Variants in ACACB observed in about 807,000 individuals in gnomAD.
The protein encoded by ACACB is acetyl-CoA carboxylase beta.
In ACACB, 209 loss-of-function variants were observed where a neutral mutation model predicts 278.8. The ratio of observed to expected loss-of-function variants is 0.75; its 90% CI spans 0.67 to 0.84. ACACB has a LOEUF of 0.84. Ranked by LOEUF, ACACB falls within the 40% of genes least tolerant of loss-of-function variation. The probability of loss-of-function intolerance (pLI) is 0.00; values close to 1 mark genes in which losing one functional copy is unlikely to be tolerated. For synonymous variants in ACACB, 1,174 were observed against 1,285.6 expected, an observed-to-expected ratio of 0.91 and a Z score of 1.86; for missense variants, 2,850 against 3,269.0, an observed-to-expected ratio of 0.87 and a Z score of 3.13.
At chr12:109,130,042 T>C (rs1290242876) in intron 1 of ACACB, among the ~76,000 whole-genome samples, 1 of 152,138 alleles carries the variant, frequency 6.6e-6, no homozygotes, top group African/African-American at 2.4e-5. Context: ...TGCCCCCTTT[T>C]CTAGATGGGG....
chr12:109,136,259 A>C (rs2042964704), intron 1 of ACACB, among the ~76,000 whole-genome samples: 2 of 152,206 alleles, frequency 1.3e-5, no homozygotes, highest in South Asian at 4.1e-4. Flanking sequence ...CTTTGTAGTA[A>C]GTTTTTAAAT....
In ACACB at chr12:109,237,688, G is replaced by A. The variant is rs369081898; in HGVS notation, c.4662+308G>A. On this transcript the variant is annotated intron_variant, in intron 34 of 52. Transcript: ENST00000338432. The stretch of plus-strand genomic sequence containing the variant: ...ATTTCTTAATATTTGCTGACTGAGT[G>A]ATCGTTTTCCATTGTTTCTTGCATT... Among the ~76,000 whole-genome samples the A allele has an allele frequency of 3.3e-5, 5 of 152,228 alleles. No homozygotes were observed. The East Asian group carries it at 9.6e-4, about 29-fold the overall frequency.
chr12:109,252,755 A>G (rs1240905021), intron 42 of ACACB, among the ~76,000 whole-genome samples: 2 of 152,198 alleles, frequency 1.3e-5, no homozygotes, highest in Non-Finnish European at 2.9e-5. Flanking sequence ...GTCAAGGTAG[A>G]AGTCAGCTGC....
chr12:109,223,658 A>G (rs2046239303), intron 26 of ACACB, among the ~76,000 whole-genome samples, 157 bp from the exon 27 acceptor site: 1 of 152,162 alleles, frequency 6.6e-6, no homozygotes, highest in Non-Finnish European at 1.5e-5. Flanking sequence ...GCTGCTCAAG[A>G]GGTTGAGGTG....
intron 2 of ACACB, among the ~76,000 whole-genome samples, chr12:109,140,446 C>T (rs540305129): frequency 3.3e-5 from 5 of 152,214 alleles, no homozygotes; most frequent in South Asian, 2.1e-4. Context: ...CACTTGAGGT[C>T]GGGAGTTTAA....
intron 41 of ACACB, 89 bp from the exon 42 acceptor site, chr12:109,251,957 G>T: frequency 2.2e-6 from 2 of 917,050 alleles, no homozygotes; most frequent in Non-Finnish European, 3.2e-6. Flanking sequence ...ACTTCCATTT[G>T]GTCCCAGCAG....
intron 1 of ACACB, among the ~76,000 whole-genome samples, chr12:109,123,838 C>T (rs2042612681): frequency 6.6e-6 from 1 of 151,576 alleles, no homozygotes; most frequent in Non-Finnish European, 1.5e-5. Flanking sequence ...ACCACCACGC[C>T]TGGCTAATTT....
intron 1 of ACACB, among the ~76,000 whole-genome samples, chr12:109,117,077 G>A (rs1263647608): frequency 7.7e-5 from 9 of 117,286 alleles, no homozygotes; most frequent in Non-Finnish European, 1.3e-4. Context: ...TTTTAAAGCA[G>A]ACTAAGGCTG....
chr12:109,210,615 T>C (rs1176154709), intron 21 of ACACB, among the ~76,000 whole-genome samples: 4 of 150,024 alleles, frequency 2.7e-5, no homozygotes, highest in Non-Finnish European at 5.9e-5. Flanking sequence ...ATATAATATT[T>C]TTTAAGAATT....
chr12:109,111,718 G>A (rs574526151), upstream of ACACB, among the ~76,000 whole-genome samples: 4 of 152,120 alleles, frequency 2.6e-5, no homozygotes, highest in South Asian at 8.3e-4. Context: ...ACCACGCCCG[G>A]CTAATTTTTG....
At chr12:109,177,574 G>C (rs988560489) in intron 9 of ACACB, among the ~76,000 whole-genome samples, 1 of 152,170 alleles carries the variant, frequency 6.6e-6, no homozygotes, top group African/African-American at 2.4e-5. Context: ...TTGGGGATTT[G>C]GGTGGGGGGA....
intron 1 of ACACB, among the ~76,000 whole-genome samples, chr12:109,124,062 C>G (rs1445267244): frequency 1.3e-5 from 2 of 151,524 alleles, no homozygotes; most frequent in African/African-American, 4.8e-5. Flanking sequence ...GCACACATTT[C>G]TAAAAGACAC....
chr12:109,124,126 A>G (rs1400954902), intron 1 of ACACB, among the ~76,000 whole-genome samples: 1 of 152,164 alleles, frequency 6.6e-6, no homozygotes, highest in Non-Finnish European at 1.5e-5. Flanking sequence ...AGAATGAATG[A>G]TAATTCCTTA....
chr12:109,143,181 G>T (rs2043160952), intron 2 of ACACB, among the ~76,000 whole-genome samples: 1 of 152,020 alleles, frequency 6.6e-6, no homozygotes, highest in African/African-American at 2.4e-5. Flanking sequence ...GGAGGCTGAG[G>T]CTGGGCCTGA....
chr12:109,187,229 C>G (rs2044693874), intron 12 of ACACB, among the ~76,000 whole-genome samples: 1 of 152,036 alleles, frequency 6.6e-6, no homozygotes, highest in African/African-American at 2.4e-5. Context: ...AAGGGCCCTG[C>G]CCAGGATGCC....
intron 46 of ACACB, 72 bp from the exon 47 acceptor site, chr12:109,258,901 T>TCTGGCAGC: frequency 8.2e-6 from 13 of 1,576,274 alleles, no homozygotes; most frequent in Non-Finnish European, 1.1e-5. Context: ...AGAGCGAGGT[T>TCTGGCAGC]CTGGCAGCCG....
chr12:109,229,232 C>T (rs1593641886), intron 28 of ACACB, among the ~76,000 whole-genome samples: 1 of 152,136 alleles, frequency 6.6e-6, no homozygotes, highest in South Asian at 2.1e-4. Context: ...CGTGAGCCAC[C>T]GTGCCCAGCC....
intron 2 of ACACB, among the ~76,000 whole-genome samples, chr12:109,144,539 C>CA (rs1409125549): frequency 6.6e-6 from 1 of 152,000 alleles, no homozygotes; most frequent in Non-Finnish European, 1.5e-5. Context: ...TGTCAAAAGA[C>CA]AAAATCACAG....
At chr12:109,224,844 G>A (rs115763335) in intron 27 of ACACB, among the ~76,000 whole-genome samples, 12,432 of 138,192 alleles carry the variant, frequency 0.09, 1,317 homozygotes, top group African/African-American at 0.27. Flanking sequence ...TTTTTAACAC[G>A]GCCCTCTTAC....
Sources: allele counts gnomAD v4.1 joint callset (sites outside exome capture counted in the v4.1 genomes callset), GRCh38; gene constraint gnomAD v4.1.1; transcripts MANE v1.5; gene names NCBI Gene and HGNC (gene_info 2026-07-23, HGNC 2026-07-21).